Variants in FZD6 observed in about 807,000 individuals in gnomAD.
FZD6 encodes frizzled class receptor 6, also known as frizzled-6.
FZD6 carries 49 observed loss-of-function variants against 61.4 expected under a neutral mutation model. The ratio of observed to expected loss-of-function variants is 0.80; its 90% CI spans 0.63 to 1.01. FZD6 has a LOEUF of 1.01. FZD6 is among the 50% of genes least tolerant of loss of function. The pLI, the probability that FZD6 is intolerant of heterozygous loss-of-function variation, is 0.00. For missense variants in FZD6, 724 were observed against 848.2 expected (o/e 0.85, Z 1.82); for synonymous variants, 265 against 292.2 (o/e 0.91, Z 0.95).
In FZD6 at chr8:103,300,117, T is replaced by C; in HGVS notation, c.10T>C (p.Phe4Leu). The C allele has an allele frequency of 6.3e-7, 1 of 1,593,296 alleles. No individual in the cohort carries two copies. The change falls in exon 2 of 7, where the codon TTT becomes CTT. Residue 4 changes from phenylalanine (F) to leucine (L), a missense_variant. By Grantham distance (22) the Phe-to-Leu change is conservative. Coordinates refer to ENST00000358755, the MANE Select transcript of FZD6 (RefSeq NM_003506.4). MEM[F>L]TFLLTCIFLP... is the part of the protein sequence containing the mutation. Reference sequence around the variant, plus strand: ...CAGGAATTTGAAGAAAATGGAAATGTTTACATTTTTGTTGACGTGTATTTT... The same window carrying C: ...CAGGAATTTGAAGAAAATGGAAATGCTTACATTTTTGTTGACGTGTATTTT...
Position 103,300,152 on chromosome 8 carries a change from C to T in FZD6, c.45C>T (p.Leu15=). 6.2e-7 allele frequency: 1 copy of T among 1,604,386 alleles called. No individual in the cohort carries two copies. Among genetic ancestry groups the T allele is most frequent in the Non-Finnish European group, 8.5e-7 (1 of 1,171,130 alleles). ...TFLLTCIFLP[L]LRGHSLFTCE... is the part of the protein sequence containing the mutation. ...TGTTGACGTGTATTTTTCTACCCCT[C>T]CTAAGAGGGCACAGTCTCTTCACCT... is the stretch of plus-strand genomic sequence containing the variant. The change falls in exon 2 of 7, where the codon CTC becomes CTT. Residue 15 remains leucine (L), a synonymous_variant. Transcript: ENST00000358755.
intron 2 of FZD6, among the ~76,000 whole-genome samples, chr8:103,317,772 G>A (rs572275039): frequency 5.6e-4 from 84 of 150,950 alleles, no homozygotes; most frequent in African/African-American, 1.9e-3. Flanking sequence ...GTTGTGGTGA[G>A]CTGAGATTAT....
intron 2 of FZD6, among the ~76,000 whole-genome samples, chr8:103,304,841 A>G (rs1449357292): frequency 6.6e-6 from 1 of 152,246 alleles, no homozygotes. Context: ...TACTTTCCAC[A>G]TAAATTTTTT....
At position 103,331,403 on chromosome 8, in the gene FZD6, C is replaced by A; in HGVS notation, c.2015C>A (p.Pro672His). Residue 672 changes from proline (P) to histidine (H), a missense_variant, in exon 7 of 7, where the codon CCC (proline) becomes CAC (histidine). Transcript: ENST00000358755. ...GCACAGAGCAACAATTTGCAGGTCC[C>A]CAGTTCTTCAGAACCAAGCAGCCTC... Reference protein sequence around the residue: ...GLAQSNNLQVPSSSEPSSLKG... With the variant: ...GLAQSNNLQVHSSSEPSSLKG... 1 of 1,610,924 alleles carries A rather than the reference C, an allele frequency of 6.2e-7. No homozygotes were observed. Among genetic ancestry groups the A allele is most frequent in the Non-Finnish European group, 8.5e-7 (1 of 1,177,190 alleles).
intron 2 of FZD6, among the ~76,000 whole-genome samples, chr8:103,308,132 G>A (rs780931792): frequency 4.6e-5 from 7 of 152,276 alleles, no homozygotes; most frequent in African/African-American, 7.2e-5. Flanking sequence ...CACCATGGCC[G>A]TTTTGTTCCT....
chr8:103,317,935 C>G (rs150605085), intron 2 of FZD6, among the ~76,000 whole-genome samples: 2 of 151,984 alleles, frequency 1.3e-5, no homozygotes, highest in African/African-American at 4.8e-5. Flanking sequence ...ATGGAGAGTA[C>G]TAAGGGAGTG....
intron 2 of FZD6, among the ~76,000 whole-genome samples, chr8:103,313,127 T>C (rs958406698): frequency 6.6e-6 from 1 of 152,196 alleles, no homozygotes; most frequent in Non-Finnish European, 1.5e-5. Flanking sequence ...ACTATACAAG[T>C]TACTTAACCT....
chr8:103,299,167 G>A (rs1374620036), intron 1 of FZD6, among the ~76,000 whole-genome samples, 172 bp downstream of exon 1: 2 of 152,292 alleles, frequency 1.3e-5, no homozygotes, highest in East Asian at 1.9e-4. Flanking sequence ...AGCGGGAACC[G>A]GCTCTGAAAG....
chr8:103,328,568 G>C, intron 5 of FZD6, 152 bp downstream of exon 5: 2 of 654,924 alleles, frequency 3.1e-6, no homozygotes, highest in Non-Finnish European at 5.3e-6. Context: ...TTTTATGAAA[G>C]AGACGTGCTT....
rs942373154 is a variant in FZD6, at chr8:103,325,156, A to G, written c.1050A>G (p.Gly350=). 6.2e-7 allele frequency: 1 copy of G among 1,613,922 alleles called. No homozygotes were observed. The highest frequency in any genetic ancestry group is 1.3e-5 in the African/African-American group (1 of 74,926). ...TTCTTGCTATGAACAAAGTTGAAGG[A>G]GACAACATTAGTGGAGTTTGCTTTG... is the stretch of plus-strand genomic sequence containing the variant. ...VMLLAMNKVE[G]DNISGVCFVG... Residue 350 remains glycine (G), a synonymous_variant, in exon 4 of 7, where the codon GGA becomes GGG. Transcript: ENST00000358755.
chr8:103,324,347 T>C, intron 3 of FZD6, 134 bp from the exon 4 acceptor site: 1 of 588,980 alleles, frequency 1.7e-6, no homozygotes, highest in South Asian at 2.7e-5. Flanking sequence ...TTATCTGTAA[T>C]CCATTTAGAT....
Position 103,332,198 on chromosome 8 carries a change from T to C in FZD6, c.*689T>C, listed in dbSNP as rs2130353058. ...AATTATGTAACTGAAATAAGGTGCT[T>C]ACTCAAAGAGTGTCCACTATTGATT... On this transcript the variant is annotated 3_prime_UTR_variant, in exon 7 of 7. Transcript: ENST00000358755. 1 of 152,784 alleles carries C rather than the reference T, an allele frequency of 6.5e-6. No individual in the cohort carries two copies. The highest frequency in any genetic ancestry group is 1.9e-4 in the East Asian group (1 of 5,200). 9.5% of individuals were successfully genotyped at this position (152,784 alleles called of 1,614,324 possible).
chr8:103,309,766 C>A (rs951147803), intron 2 of FZD6, among the ~76,000 whole-genome samples: 2 of 152,196 alleles, frequency 1.3e-5, no homozygotes, highest in African/African-American at 2.4e-5. Flanking sequence ...AAAGCCCAGT[C>A]TCTCTGAAGC....
In FZD6 at chr8:103,318,537, T is replaced by A. The variant is rs919006721; in HGVS notation, c.178-53T>A. 1.3e-5 allele frequency: 13 copies of A among 993,774 alleles called. No individual in the cohort carries two copies. In the African/African-American group the frequency reaches 1.8e-4, roughly 14 times the overall value. 61.6% of individuals were successfully genotyped at this position (993,774 alleles called of 1,614,324 possible). ...ACTTTAAACAGTAAATATATTAATT[T>A]TATTCATTTGTTATTAAAATGTTTT... On this transcript the variant is annotated intron_variant, in intron 2 of 6. Transcript: ENST00000358755.
intron 3 of FZD6, among the ~76,000 whole-genome samples, chr8:103,319,039 C>T (rs1814710196): frequency 6.6e-6 from 1 of 151,940 alleles, no homozygotes; most frequent in Non-Finnish European, 1.5e-5. Flanking sequence ...CAAATAAGTG[C>T]AAAATTATGA....
chr8:103,300,410 A>G (rs1489087437), intron 2 of FZD6, 126 bp downstream of exon 2: 1 of 786,626 alleles, frequency 1.3e-6, no homozygotes. Flanking sequence ...GTGTTTTGAA[A>G]AGTCCTTTTG....
At position 103,330,072 on chromosome 8, in the gene FZD6, T is replaced by C; in HGVS notation, c.1952+7T>C. 1 of 1,605,350 alleles carries C rather than the reference T, an allele frequency of 6.2e-7. No individual in the cohort carries two copies. Among genetic ancestry groups the C allele is most frequent in the Non-Finnish European group, 8.5e-7 (1 of 1,171,938 alleles). On this transcript the variant is annotated splice_region_variant and intron_variant, in intron 6 of 6. Coordinates refer to ENST00000358755, the MANE Select transcript of FZD6 (RefSeq NM_003506.4). ...GTGCGCGGAGTGAAGGAAGGTGAGA[T>C]TTGATTTTATGTAAAATCATCACTA...
chr8:103,299,770 G>T (rs1254278279), intron 1 of FZD6, among the ~76,000 whole-genome samples, 186 bp from the exon 2 acceptor site: 1 of 152,118 alleles, frequency 6.6e-6, no homozygotes, highest in Non-Finnish European at 1.5e-5. Context: ...TTTCCTAGAG[G>T]TGCAGCTTCC....
intron 2 of FZD6, among the ~76,000 whole-genome samples, chr8:103,311,211 A>G (rs892058547): frequency 2.0e-5 from 3 of 152,220 alleles, no homozygotes; most frequent in Admixed American, 1.3e-4. Flanking sequence ...GGCCACTGCA[A>G]GGATTACTGA....
Sources: allele counts gnomAD v4.1 joint callset (sites outside exome capture counted in the v4.1 genomes callset), GRCh38; gene constraint gnomAD v4.1.1; transcripts MANE v1.5; gene names NCBI Gene and HGNC (gene_info 2026-07-23, HGNC 2026-07-21).